Variants in ROPN1 observed in about 807,000 individuals in gnomAD.
ROPN1 encodes the protein rhophilin associated tail protein 1.
Under a neutral mutation model 20.5 loss-of-function variants are expected in ROPN1, and 14 were observed. The ratio of observed to expected loss-of-function variants is 0.68; its 90% CI spans 0.45 to 1.07. ROPN1 has a LOEUF of 1.07. Ranked by LOEUF, ROPN1 falls within the 50% of genes least tolerant of loss-of-function variation. The pLI is 0.00. For synonymous variants in ROPN1, 76 were observed against 95.7 expected (o/e 0.79, Z 1.20); for missense variants, 169 against 242.8 (o/e 0.70, Z 2.02).
chr3:123,971,419 G>C (rs1028465951), intron 4 of ROPN1, among the ~76,000 whole-genome samples: 1 of 152,124 alleles, frequency 6.6e-6, no homozygotes, highest in Non-Finnish European at 1.5e-5. Flanking sequence ...CATTTAATAA[G>C]CATTGTTATT....
intron 3 of ROPN1, 182 bp from the exon 4 acceptor site, chr3:123,975,722 G>C: frequency 1.7e-6 from 1 of 580,210 alleles, no homozygotes; most frequent in Non-Finnish European, 3.1e-6. Context: ...CTAGTGAAGA[G>C]CATGCTGAAA....
chr3:123,980,686 G>T (rs550850349), intron 1 of ROPN1, 193 bp from the exon 2 acceptor site: 1 of 504,862 alleles, frequency 2.0e-6, no homozygotes, highest in South Asian at 4.0e-5. Flanking sequence ...GTTGGAAATA[G>T]TTATGTCCTT....
rs139445218 is a variant in ROPN1 at position 123,984,227 on chromosome 3, A to G, written c.-12-3734T>C. Among the ~76,000 whole-genome samples the G allele has an allele frequency of 2.8e-3, 426 of 152,184 alleles. 1 individual carries two copies. Among genetic ancestry groups the G allele is most frequent in the African/African-American group, 9.7e-3 (403 of 41,508 alleles). ...CTGTGTGGATTGCACTTGTTTTCCC[A>G]TCTTTGACCTCTCGCCTTGTGCTTC... On this transcript the variant is annotated intron_variant, in intron 1 of 5. Transcript: ENST00000405845.
Position 123,970,059 on chromosome 3 carries a change from GTT to G in ROPN1, c.553_554del (p.Asn185LeufsTer10), listed in dbSNP as rs2037883986. 1.9e-6 allele frequency: 3 copies of G among 1,613,962 alleles called. No individual in the cohort carries two copies. Among genetic ancestry groups the G allele is most frequent in the Non-Finnish European group, 1.7e-6 (2 of 1,179,986 alleles). On this transcript the variant is annotated frameshift_variant, in exon 5 of 6. Coordinates refer to ENST00000405845, the MANE Select transcript of ROPN1 (RefSeq NM_001317774.2). LOFTEE classifies it high-confidence loss of function. ...TAACTTACACTTCCTGTTCCATGTA[GTT>G]TAGCATCCTGCTGACATGTGATGCA... ...ISASHVSRML[N>X]YMEQEVIGPD... is the part of the protein sequence containing the mutation.
intron 1 of ROPN1, among the ~76,000 whole-genome samples, chr3:123,984,743 C>G (rs749648351): frequency 4.6e-5 from 7 of 151,906 alleles, no homozygotes; most frequent in Admixed American, 1.3e-4. Flanking sequence ...GCTCTGGCCA[C>G]TTTCCAAAAA....
Position 123,969,132 on chromosome 3 carries a change from T to A in ROPN1, c.*23A>T. 1.2e-6 allele frequency: 2 copies of A among 1,603,578 alleles called. No homozygotes were observed. The highest frequency in any genetic ancestry group is 1.7e-6 in the Non-Finnish European group (2 of 1,170,478). On this transcript the variant is annotated 3_prime_UTR_variant, in exon 6 of 6. Transcript: ENST00000405845. ...AGTACAATCATCTCTGTATCTTCCT[T>A]TAAAATTGCCAAAATTGTGCTTTTA... is the stretch of plus-strand genomic sequence containing the variant.
chr3:123,969,174 G>C lies in ROPN1; in HGVS notation c.620C>G (p.Pro207Arg). Residue 207 changes from proline (P) to arginine (R), a missense_variant, in exon 6 of 6, where the codon CCC becomes CGC. Physicochemically the swap from Pro to Arg is moderately radical, Grantham distance 103 (BLOSUM62 -2). This residue lies in a region of ROPN1 where 82 missense variants were observed against 100.1 expected (regional missense o/e 0.82). Transcript: ENST00000405845. ...GTGCTTTTACTCCAGCTGAACCCTG[G>C]GGTTTTGGGTAAAGTCATTCACTGT... is the stretch of plus-strand genomic sequence containing the variant. ...IITVNDFTQN[P>R]RVQLE 1 of 1,613,982 alleles carries C rather than the reference G, an allele frequency of 6.2e-7. No individual in the cohort carries two copies. Among genetic ancestry groups the C allele is most frequent in the South Asian group, 1.1e-5 (1 of 91,080 alleles).
In ROPN1 at chr3:123,987,172, C is replaced by T. The variant is rs1302376542; in HGVS notation, c.-13+4750G>A. 2.0e-5 allele frequency among the ~76,000 whole-genome samples: 3 copies of T among 152,344 alleles called. No homozygotes were observed. In the East Asian group the frequency reaches 5.8e-4, roughly 29 times the overall value. ...CTACTTCTCTAAGCAGCTCTCCCTG[C>T]CACCTCAAGTTTCTGTGGTGACTGA... On this transcript the variant is annotated intron_variant, in intron 1 of 5. Transcript: ENST00000405845.
At chr3:123,986,243 G>T (rs1223792359) in intron 1 of ROPN1, among the ~76,000 whole-genome samples, 1 of 150,900 alleles carries the variant, frequency 6.6e-6, no homozygotes, top group African/African-American at 2.4e-5. Context: ...GTCTCCTTAA[G>T]TACTTTATAT....
In ROPN1 at chr3:123,980,365, C is replaced by G. The variant is rs1577369564; in HGVS notation, c.116+1G>C. 1.9e-6 allele frequency: 3 copies of G among 1,614,206 alleles called. No homozygotes were observed. The highest frequency in any genetic ancestry group is 4.5e-5 in the East Asian group (2 of 44,890). ...GGTGAAGGCGAGAAAGGAGCACGTA[C>G]TCGGCTGCCCACTGGATGAGGTCCT... On this transcript the variant is annotated splice_donor_variant, in intron 2 of 5. Transcript: ENST00000405845. LOFTEE classifies it high-confidence loss of function.
At chr3:123,970,677 G>A (rs1419406866) in intron 4 of ROPN1, among the ~76,000 whole-genome samples, 1 of 152,114 alleles carries the variant, frequency 6.6e-6, no homozygotes. Context: ...TAGGAGAAGG[G>A]TAATTTCCCC....
At chr3:123,972,570 G>C (rs1208788190) in intron 4 of ROPN1, among the ~76,000 whole-genome samples, 2 of 152,230 alleles carry the variant, frequency 1.3e-5, no homozygotes, top group Non-Finnish European at 2.9e-5. Context: ...CCAGAGGAAG[G>C]AGTGCTGAAG....
At chr3:123,977,616 G>T (rs1195353626) in intron 2 of ROPN1, among the ~76,000 whole-genome samples, 1 of 152,246 alleles carries the variant, frequency 6.6e-6, no homozygotes, top group Non-Finnish European at 1.5e-5. Flanking sequence ...TCTGGCTGGA[G>T]GTAGTGAGGC....
intron 2 of ROPN1, chr3:123,979,083 T>C (rs919024268): frequency 2.4e-5 from 4 of 169,416 alleles, no homozygotes; most frequent in African/African-American, 7.2e-5. Context: ...TTAGAGGCAA[T>C]ATATAAAATT....
intron 1 of ROPN1, among the ~76,000 whole-genome samples, chr3:123,988,529 C>T (rs1164670054): frequency 1.3e-5 from 2 of 152,140 alleles, no homozygotes; most frequent in South Asian, 2.1e-4. Context: ...GTTTCCATTA[C>T]CATTCCTGAT....
rs769179802 is a variant in ROPN1, at chr3:123,980,506, G to GA, written c.-12-14dup. ...TTGATTGGTTGGCCTATTCTCAGGA[G>GA]AAAAAAATACGTTAAGATGAAAACT... On this transcript the variant is annotated splice_polypyrimidine_tract_variant and intron_variant, in intron 1 of 5. Transcript: ENST00000405845. 2.0e-5 allele frequency: 32 copies of GA among 1,607,016 alleles called. No homozygotes were observed. The East Asian group carries it at 4.5e-4, about 22-fold the overall frequency.
chr3:123,972,340 C>T (rs1203838381), intron 4 of ROPN1, among the ~76,000 whole-genome samples: 2 of 152,222 alleles, frequency 1.3e-5, no homozygotes, highest in African/African-American at 4.8e-5. Flanking sequence ...AACAGATCTT[C>T]ATTCTCTTGC....
Position 123,972,114 on chromosome 3 carries a change from A to C in ROPN1, c.397-1897T>G, listed in dbSNP as rs560957413. ...TGTCCTCCAGAACTGAGAGACAACA[A>C]ATTTCTGTTGTTCAAGCCACCAAGT... On this transcript the variant is annotated intron_variant, in intron 4 of 5. Transcript: ENST00000405845. Among the ~76,000 whole-genome samples the C allele has an allele frequency of 5.9e-5, 9 of 152,276 alleles. No homozygotes were observed. The East Asian group carries it at 1.7e-3, about 29-fold the overall frequency.
intron 1 of ROPN1, among the ~76,000 whole-genome samples, chr3:123,982,588 G>A (rs1439193043): frequency 6.6e-6 from 1 of 151,974 alleles, no homozygotes; most frequent in Non-Finnish European, 1.5e-5. Context: ...ATTTAATTTT[G>A]TCAGTATGAA....
Sources: gnomAD v4.1 joint callset for allele counts (sites outside exome capture counted in the v4.1 genomes callset) on GRCh38, gnomAD v4.1.1 for gene constraint, gnomAD v4.1.1 regional missense constraint, MANE v1.5 for transcripts, NCBI Gene and HGNC (gene_info 2026-07-23, HGNC 2026-07-21) for gene names.